The following UBE2K variants were observed in gnomAD, a reference collection of about 807,000 sequenced individuals.
UBE2K encodes the protein ubiquitin-conjugating enzyme E2 K.
A neutral mutation model predicts 30.0 loss-of-function variants in UBE2K; 6 were observed. The ratio of observed to expected loss-of-function variants is 0.20; its 90% CI spans 0.11 to 0.39. UBE2K has a LOEUF of 0.39. UBE2K is among the 10% of genes least tolerant of loss of function. The pLI is 1.00. For missense variants in UBE2K, 61 were observed against 241.6 expected, an observed-to-expected ratio of 0.25 and a Z score of 4.96; for synonymous variants, 86 against 83.7, an observed-to-expected ratio of 1.03 and a Z score of -0.15.
At chr4:39,718,788 C>T (rs536711233) in intron 1 of UBE2K, among the ~76,000 whole-genome samples, 58 of 152,338 alleles carry the variant, frequency 3.8e-4, no homozygotes, top group Non-Finnish European at 7.5e-4. Flanking sequence ...GCCAGTCGGC[C>T]GCTCAGAGTG....
At chr4:39,764,955 C>T (rs1429582288) in intron 4 of UBE2K, among the ~76,000 whole-genome samples, 3 of 151,130 alleles carry the variant, frequency 2.0e-5, no homozygotes, top group Admixed American at 6.6e-5. Flanking sequence ...GGCGCGATCT[C>T]GGCTGACTGT....
chr4:39,704,659 G>C (rs1004999080), intron 1 of UBE2K, among the ~76,000 whole-genome samples: 1 of 151,988 alleles, frequency 6.6e-6, no homozygotes, highest in Non-Finnish European at 1.5e-5. Flanking sequence ...TCCTACCTCA[G>C]CCTTCCAAGT....
chr4:39,732,563 T>C (rs914634885), intron 1 of UBE2K, among the ~76,000 whole-genome samples: 2 of 143,502 alleles, frequency 1.4e-5, no homozygotes, highest in African/African-American at 5.9e-5. Flanking sequence ...TAATGTTTTT[T>C]TTATCTCATT....
At chr4:39,708,935 T>C (rs1718522358) in intron 1 of UBE2K, among the ~76,000 whole-genome samples, 1 of 151,734 alleles carries the variant, frequency 6.6e-6, no homozygotes, top group African/African-American at 2.4e-5. Context: ...TTTTTTTTTT[T>C]TCCTCTTAGT....
intron 1 of UBE2K, among the ~76,000 whole-genome samples, chr4:39,722,914 G>A (rs1470534767): frequency 2.0e-5 from 3 of 151,154 alleles, no homozygotes; most frequent in Admixed American, 6.6e-5. Flanking sequence ...TCCTGCCTCA[G>A]CCCCCCAAGT....
chr4:39,760,192 A>AAC (rs1711820475), intron 4 of UBE2K, among the ~76,000 whole-genome samples: 9 of 68,552 alleles, frequency 1.3e-4, no homozygotes, highest in East Asian at 1.3e-3. Context: ...AAAAAAAAAA[A>AAC]CAGAAAAAAA....
intron 1 of UBE2K, among the ~76,000 whole-genome samples, chr4:39,702,125 C>G (rs942519806): frequency 4.6e-5 from 7 of 151,848 alleles, no homozygotes; most frequent in African/African-American, 1.7e-4. Flanking sequence ...ATAAAACACC[C>G]TTAAATCAGT....
chr4:39,729,982 T>C (rs1719981193), intron 1 of UBE2K, among the ~76,000 whole-genome samples: 1 of 152,248 alleles, frequency 6.6e-6, no homozygotes, highest in Non-Finnish European at 1.5e-5. Flanking sequence ...ATTTAAAAAT[T>C]ATATAATTAG....
intron 4 of UBE2K, among the ~76,000 whole-genome samples, chr4:39,756,547 A>G (rs889139594): frequency 2.0e-5 from 3 of 151,902 alleles, no homozygotes; most frequent in Non-Finnish European, 2.9e-5. Flanking sequence ...TGACCTCTAA[A>G]GCCCAAGTAG....
intron 1 of UBE2K, 99 bp downstream of exon 1, chr4:39,698,489 C>T (rs893614516): frequency 1.8e-6 from 2 of 1,128,712 alleles, no homozygotes; most frequent in African/African-American, 1.5e-5. Flanking sequence ...GGGTGGTCCT[C>T]CTTGCGGCCG....
chr4:39,718,162 CTGATTGGTCTGTTTTACAGAGAGT>C (rs1719206798), intron 1 of UBE2K, among the ~76,000 whole-genome samples: 1 of 152,248 alleles, frequency 6.6e-6, no homozygotes, highest in African/African-American at 2.4e-5. Flanking sequence ...TTACAGAGAG[CTGATTGGTCTGTTTTACAGAGAGT>C]TGATTGGTCC....
chr4:39,705,489 G>A (rs552110546), intron 1 of UBE2K, among the ~76,000 whole-genome samples: 5 of 151,634 alleles, frequency 3.3e-5, no homozygotes, highest in African/African-American at 9.7e-5. Flanking sequence ...GTGAGCCACC[G>A]TGCCCAGCCA....
At chr4:39,765,197 T>C (rs1230460876) in intron 4 of UBE2K, among the ~76,000 whole-genome samples, 1 of 152,170 alleles carries the variant, frequency 6.6e-6, no homozygotes, top group African/African-American at 2.4e-5. Context: ...CTTAAAACTT[T>C]TTAAGAAAAT....
chr4:39,763,260 T>TC, intron 4 of UBE2K, among the ~76,000 whole-genome samples: 1 of 151,550 alleles, frequency 6.6e-6, no homozygotes, highest in South Asian at 2.1e-4. Context: ...ACTTTTTTTT[T>TC]TTTTCTTTGA....
intron 2 of UBE2K, among the ~76,000 whole-genome samples, chr4:39,740,467 CG>C (rs1720635190): frequency 6.8e-6 from 1 of 147,434 alleles, no homozygotes; most frequent in Admixed American, 6.8e-5. Flanking sequence ...GCGTGAACCC[CG>C]GGAGGCGGAG....
At position 39,731,078 on chromosome 4, in the gene UBE2K, C is replaced by T. The variant is rs560472529; in HGVS notation, c.64-6342C>T. Among the ~76,000 whole-genome samples, 541 of 152,086 alleles carry T rather than the reference C, an allele frequency of 3.6e-3. 1 individual carries two copies. Among genetic ancestry groups the T allele is most frequent in the Non-Finnish European group, 4.9e-3 (331 of 67,990 alleles). On this transcript the variant is annotated intron_variant, in intron 1 of 6. Coordinates refer to ENST00000261427, the MANE Select transcript of UBE2K (RefSeq NM_005339.5). ...TCAACTCACTGCAACCTCTGCCTCC[C>T]GGGTTCAAGCGATTCTCCTGCCTCA...
intron 1 of UBE2K, among the ~76,000 whole-genome samples, chr4:39,702,499 C>T (rs1168419598): frequency 6.6e-6 from 1 of 151,938 alleles, no homozygotes; most frequent in East Asian, 1.9e-4. Flanking sequence ...GGTGATCCAC[C>T]CGCCTCGACT....
intron 1 of UBE2K, among the ~76,000 whole-genome samples, chr4:39,715,939 C>CA (rs1719035696): frequency 6.6e-6 from 1 of 152,060 alleles, no homozygotes. Flanking sequence ...CTCTCTCTAC[C>CA]ATGTCATACT....
intron 1 of UBE2K, among the ~76,000 whole-genome samples, chr4:39,719,827 GCCT>G (rs974344756): frequency 6.6e-6 from 1 of 152,178 alleles, no homozygotes; most frequent in Non-Finnish European, 1.5e-5. Context: ...CACAGTTTTT[GCCT>G]CCTATTAGAC....
Sources: gnomAD v4.1 joint callset for allele counts (sites outside exome capture counted in the v4.1 genomes callset) on GRCh38, gnomAD v4.1.1 for gene constraint, MANE v1.5 for transcripts, NCBI Gene and HGNC (gene_info 2026-07-23, HGNC 2026-07-21) for gene names.